NEBL: variants seen among roughly 807,000 people sequenced by gnomAD.
NEBL encodes the protein LIM and SH3 protein 2.
Under a neutral mutation model 140.2 loss-of-function variants are expected in NEBL, and 122 were observed. The observed-to-expected ratio is 0.87, with a 90% CI of 0.75 to 1.01. The LOEUF (loss-of-function observed/expected upper bound fraction) is 1.01, where lower values mean the gene tolerates loss of function less well. Among genes scored for constraint, NEBL ranks in the 50% least tolerant of loss-of-function variants. The pLI is 0.00. For missense variants in NEBL, 1,365 were observed against 1,231.3 expected (o/e 1.11, Z -1.62); for synonymous variants, 436 against 398.9 (o/e 1.09, Z -1.11).
chr10:21,060,613 C>G (rs1486536563), intron 2 of NEBL, among the ~76,000 whole-genome samples: 1 of 151,866 alleles, frequency 6.6e-6, no homozygotes, highest in Non-Finnish European at 1.5e-5. Context: ...TTAAAAATCC[C>G]CTGGAACACT....
chr10:21,221,512 T>C (rs1427688342), intron 3 of NEBL, among the ~76,000 whole-genome samples: 1 of 151,744 alleles, frequency 6.6e-6, no homozygotes, highest in East Asian at 1.9e-4. Flanking sequence ...CTTTCTTTCT[T>C]TCTTTTTTTT....
At chr10:21,113,597 A>T (rs1478008743) in intron 2 of NEBL, among the ~76,000 whole-genome samples, 1 of 152,086 alleles carries the variant, frequency 6.6e-6, no homozygotes, top group Non-Finnish European at 1.5e-5. Context: ...CAGAGTGAGA[A>T]CTTTCCTTAC....
At chr10:21,071,013 CA>C (rs111613814) in intron 2 of NEBL, among the ~76,000 whole-genome samples, 83 of 143,388 alleles carry the variant, frequency 5.8e-4, no homozygotes, top group African/African-American at 8.2e-4. Context: ...TCTGCCTCTA[CA>C]AAAAAAAAAG....
chr10:20,849,030 A>G (rs891409292), intron 11 of NEBL, among the ~76,000 whole-genome samples: 2 of 152,146 alleles, frequency 1.3e-5, no homozygotes, highest in African/African-American at 4.8e-5. Context: ...GTTATTGGGC[A>G]ACAGAAAGGA....
At chr10:20,952,229 G>A (rs1835509013) in intron 4 of NEBL, among the ~76,000 whole-genome samples, 1 of 152,132 alleles carries the variant, frequency 6.6e-6, no homozygotes. Context: ...CTGAAGTCAG[G>A]AGTTTGAGAC....
chr10:20,827,062 CT>C (rs1839951582), intron 17 of NEBL, among the ~76,000 whole-genome samples: 1 of 152,196 alleles, frequency 6.6e-6, no homozygotes, highest in African/African-American at 2.4e-5. Context: ...TGTTAACCCT[CT>C]CCCATGTGTC....
intron 1 of NEBL, among the ~76,000 whole-genome samples, chr10:21,283,040 G>A (rs1843011967): frequency 6.6e-6 from 1 of 151,670 alleles, no homozygotes; most frequent in Non-Finnish European, 1.5e-5. Context: ...GGAGGCTGAG[G>A]CAGGAGAATA....
At chr10:21,290,325 A>G (rs879628193) in intron 1 of NEBL, among the ~76,000 whole-genome samples, 2 of 152,172 alleles carry the variant, frequency 1.3e-5, no homozygotes, top group Non-Finnish European at 2.9e-5. Flanking sequence ...GCATTTTTGA[A>G]TTAAAGGAAA....
intron 1 of NEBL, among the ~76,000 whole-genome samples, chr10:21,272,083 C>G (rs1039064828): frequency 5.4e-5 from 8 of 146,886 alleles, no homozygotes; most frequent in African/African-American, 2.0e-4. Context: ...TCCTGAGTAG[C>G]TGGGTCTACA....
chr10:20,934,878 T>C (rs1288531238), intron 4 of NEBL, among the ~76,000 whole-genome samples: 1 of 152,138 alleles, frequency 6.6e-6, no homozygotes, highest in Non-Finnish European at 1.5e-5. Context: ...CATAGCAACA[T>C]TTCTAGCAGG....
chr10:21,144,327 C>T (rs1488815955), intron 2 of NEBL, among the ~76,000 whole-genome samples: 1 of 152,248 alleles, frequency 6.6e-6, no homozygotes, highest in African/African-American at 2.4e-5. Flanking sequence ...TTCCTTAACC[C>T]AGTGGCTTCC....
At chr10:20,956,913 G>A (rs1315680314) in intron 4 of NEBL, among the ~76,000 whole-genome samples, 2 of 152,156 alleles carry the variant, frequency 1.3e-5, no homozygotes, top group Non-Finnish European at 2.9e-5. Context: ...TGCATGAGTT[G>A]ACCCAATTAC....
chr10:20,812,120 C>T (rs1838207513), intron 24 of NEBL, among the ~76,000 whole-genome samples: 1 of 152,192 alleles, frequency 6.6e-6, no homozygotes, highest in South Asian at 2.1e-4. Context: ...ACGCCCATGG[C>T]GTGTCTGTTT....
rs188269417 is a variant in NEBL, at chr10:21,138,195, A to G, written c.164+34188T>C. Among the ~76,000 whole-genome samples the G allele has an allele frequency of 5.6e-3, 857 of 152,284 alleles. 25 individuals carry two copies. The highest frequency in any genetic ancestry group is 5.1e-3 in the Non-Finnish European group (346 of 68,012). On this transcript the variant is annotated intron_variant, in intron 2 of 6. Coordinates refer to the NEBL transcript ENST00000417816. Reference sequence around the variant, plus strand: ...GTCTTATATTATTGGGACAACGGACAGCACTGTCCCAACTCACCGTAAACA... The same window carrying G: ...GTCTTATATTATTGGGACAACGGACGGCACTGTCCCAACTCACCGTAAACA...
Position 20,999,163 on chromosome 10 carries a change from A to G in NEBL, c.249+20954T>C, listed in dbSNP as rs749841112. Among the ~76,000 whole-genome samples, 241 of 119,574 alleles carry G rather than the reference A, an allele frequency of 2.0e-3. 1 individual carries two copies. The highest frequency in any genetic ancestry group is 4.1e-3 in the African/African-American group (115 of 27,976). The allele number at this position is 119,574 out of a possible 152,430, so 78.4% of individuals were successfully genotyped here. On this transcript the variant is annotated intron_variant, in intron 3 of 6. Transcript: ENST00000417816. Reference sequence around the variant, plus strand: ...CAGAAACCCAGAGGTGTGTGGGGGGAAAAAAAAAAAAAAAGGCTGTCAGGG... The same window carrying G: ...CAGAAACCCAGAGGTGTGTGGGGGGGAAAAAAAAAAAAAAGGCTGTCAGGG...
chr10:21,140,629 C>T (rs977300588), intron 2 of NEBL, among the ~76,000 whole-genome samples: 2 of 152,010 alleles, frequency 1.3e-5, no homozygotes, highest in African/African-American at 4.8e-5. Context: ...TATAGAATAA[C>T]AAGACATTTA....
intron 2 of NEBL, among the ~76,000 whole-genome samples, chr10:21,144,864 T>G (rs1200747262): frequency 2.0e-5 from 3 of 151,938 alleles, no homozygotes; most frequent in Non-Finnish European, 4.4e-5. Context: ...AAATAGTGGT[T>G]AGCATGGGCT....
At chr10:21,004,814 C>G (rs1449802030) in intron 3 of NEBL, among the ~76,000 whole-genome samples, 3 of 152,152 alleles carry the variant, frequency 2.0e-5, no homozygotes, top group Non-Finnish European at 4.4e-5. Context: ...AGCATTCTCA[C>G]CATATTCGCT....
chr10:21,277,231 C>T (rs145467546), intron 1 of NEBL, among the ~76,000 whole-genome samples: 4,678 of 134,792 alleles, frequency 0.035, 251 homozygotes, highest in African/African-American at 0.13. Context: ...TTTTTTGAGA[C>T]GGAGTCTCGC....
Sources: allele counts gnomAD v4.1 joint callset (sites outside exome capture counted in the v4.1 genomes callset), GRCh38; gene constraint gnomAD v4.1.1; transcripts MANE v1.5; gene names NCBI Gene and HGNC (gene_info 2026-07-23, HGNC 2026-07-21).